Variants in TTC6 observed in about 807,000 individuals in gnomAD.
The protein encoded by TTC6 is tetratricopeptide repeat protein 6.
TTC6 carries 172 observed loss-of-function variants against 210.4 expected under a neutral mutation model. The ratio of observed to expected loss-of-function variants is 0.82; its 90% CI spans 0.72 to 0.93. The LOEUF is 0.93. TTC6 is among the 40% of genes least tolerant of loss of function. The pLI, the probability that TTC6 is intolerant of heterozygous loss-of-function variation, is 0.00. For synonymous variants in TTC6, 804 were observed against 819.6 expected (o/e 0.98, Z 0.32); for missense variants, 2,414 against 2,318.1 (o/e 1.04, Z -0.85).
chr14:37,650,731 A>T (rs1374641674), intron 1 of TTC6, among the ~76,000 whole-genome samples: 1 of 152,114 alleles, frequency 6.6e-6, no homozygotes, highest in East Asian at 1.9e-4. Context: ...TTATAAATTG[A>T]CTCAGAGATA....
intron 1 of TTC6, among the ~76,000 whole-genome samples, chr14:37,640,763 G>A (rs535261755): frequency 4.3e-4 from 66 of 152,204 alleles, no homozygotes; most frequent in Non-Finnish European, 9.0e-4. Flanking sequence ...GGCTGGTCTC[G>A]AACTCCTGAC....
intron 3 of TTC6, among the ~76,000 whole-genome samples, chr14:37,695,702 T>C (rs570605914): frequency 6.6e-6 from 1 of 152,066 alleles, no homozygotes; most frequent in Non-Finnish European, 1.5e-5. Flanking sequence ...AAGAGTATAA[T>C]TGGATTGTTT....
At chr14:37,779,247 C>T (rs2096047392) in intron 14 of TTC6, among the ~76,000 whole-genome samples, 1 of 152,180 alleles carries the variant, frequency 6.6e-6, no homozygotes, top group Admixed American at 6.5e-5. Flanking sequence ...TCTTTGTCCT[C>T]TTTCTGTTCA....
exon 1 of TTC6, chr14:37,622,821 A>T (rs140258566): frequency 0.074 from 114,088 of 1,533,772 alleles, 4,898 homozygotes; most frequent in Non-Finnish European, 0.083. Context: ...AGAACAGGAG[A>T]GCTGGCCGCC....
intron 14 of TTC6, among the ~76,000 whole-genome samples, chr14:37,772,107 A>C (rs1426129490): frequency 6.6e-6 from 1 of 152,148 alleles, no homozygotes; most frequent in Non-Finnish European, 1.5e-5. Context: ...CCTCCCAGTT[A>C]GGCTGCTCGG....
chr14:37,821,023 CTCTTCTTCTTCT>C (rs10599374), intron 26 of TTC6, among the ~76,000 whole-genome samples: 1,624 of 145,434 alleles, frequency 0.011, 16 homozygotes, highest in Non-Finnish European at 0.019. Context: ...CTTCTTCTTC[CTCTTCTTCTTCT>C]TCTTCTTCTT....
chr14:37,712,176 C>T (rs1330772291), intron 5 of TTC6, among the ~76,000 whole-genome samples: 1 of 152,142 alleles, frequency 6.6e-6, no homozygotes, highest in African/African-American at 2.4e-5. Context: ...TCCAACCAAT[C>T]CATATTTCTG....
intron 14 of TTC6, among the ~76,000 whole-genome samples, chr14:37,757,204 T>C (rs925658301): frequency 1.3e-5 from 2 of 152,010 alleles, no homozygotes; most frequent in East Asian, 3.9e-4. Context: ...CCCTTTATCA[T>C]TTTTTATTGT....
intron 14 of TTC6, among the ~76,000 whole-genome samples, chr14:37,784,154 G>A (rs905058951): frequency 6.6e-6 from 1 of 152,136 alleles, no homozygotes; most frequent in African/African-American, 2.4e-5. Context: ...GGTCTGCTTG[G>A]TGCAGAGCTG....
chr14:37,653,744 A>G (rs976104115), intron 1 of TTC6, among the ~76,000 whole-genome samples: 1 of 152,168 alleles, frequency 6.6e-6, no homozygotes, highest in African/African-American at 2.4e-5. Flanking sequence ...TAGAAAATGT[A>G]GTTACATTTC....
intron 1 of TTC6, among the ~76,000 whole-genome samples, chr14:37,601,437 C>T (rs1409984917): frequency 1.3e-5 from 2 of 152,238 alleles, no homozygotes; most frequent in East Asian, 1.9e-4. Context: ...ATCCCTGAGA[C>T]TGGCCAGGTT....
At chr14:37,647,295 G>T (rs1045623356) in intron 1 of TTC6, among the ~76,000 whole-genome samples, 1 of 152,190 alleles carries the variant, frequency 6.6e-6, no homozygotes, top group African/African-American at 2.4e-5. Context: ...GTGGACAATA[G>T]ATTATAGGTG....
At chr14:37,821,251 T>C (rs2096156346) in intron 26 of TTC6, among the ~76,000 whole-genome samples, 1 of 151,952 alleles carries the variant, frequency 6.6e-6, no homozygotes, top group Non-Finnish European at 1.5e-5. Context: ...GTACTTTTAG[T>C]AGAGAAGGGG....
At chr14:37,772,373 C>A in intron 14 of TTC6, 1 of 165,206 alleles carries the variant, frequency 6.1e-6, no homozygotes. Context: ...CTAAGTAAGC[C>A]TGGGCAATGG....
At chr14:37,693,166 A>T (rs376426061) in intron 3 of TTC6, among the ~76,000 whole-genome samples, 2 of 152,092 alleles carry the variant, frequency 1.3e-5, no homozygotes, top group South Asian at 4.1e-4. Context: ...TCCACAAAAA[A>T]CTATGAGAAC....
At chr14:37,789,931 A>T (rs572503514) in intron 15 of TTC6, among the ~76,000 whole-genome samples, 127 of 152,146 alleles carry the variant, frequency 8.3e-4, no homozygotes, top group African/African-American at 2.9e-3. Flanking sequence ...GAATGTCATG[A>T]GAAGCTTTAA....
At chr14:37,713,738 C>T (rs1243978551) in intron 5 of TTC6, among the ~76,000 whole-genome samples, 1 of 152,122 alleles carries the variant, frequency 6.6e-6, no homozygotes, top group Admixed American at 6.5e-5. Flanking sequence ...CTTCAGCCTG[C>T]CTCTGAGTGG....
chr14:37,773,318 AT>A (rs1362079115), intron 14 of TTC6, among the ~76,000 whole-genome samples: 4 of 152,146 alleles, frequency 2.6e-5, no homozygotes, highest in Non-Finnish European at 5.9e-5. Context: ...TGCTTCTGGC[AT>A]TTTCATCATG....
chr14:37,781,128 C>A, intron 14 of TTC6, among the ~76,000 whole-genome samples: 1 of 152,026 alleles, frequency 6.6e-6, no homozygotes, highest in East Asian at 1.9e-4. Flanking sequence ...ATTTATAATC[C>A]TTTGTGTATA....
Sources: gnomAD v4.1 joint callset for allele counts (sites outside exome capture counted in the v4.1 genomes callset) on GRCh38, gnomAD v4.1.1 for gene constraint, MANE v1.5 for transcripts, NCBI Gene and HGNC (gene_info 2026-07-23, HGNC 2026-07-21) for gene names.